Variants in SPATA16 observed in about 807,000 individuals in gnomAD.
SPATA16 encodes spermatogenesis-associated protein 16.
Under a neutral mutation model 63.3 loss-of-function variants are expected in SPATA16, and 36 were observed. The observed-to-expected ratio is 0.57, with a 90% CI of 0.44 to 0.75. SPATA16 has a LOEUF of 0.75. Ranked by LOEUF, SPATA16 falls within the 30% of genes least tolerant of loss-of-function variation. The probability of loss-of-function intolerance (pLI) is 0.00; values close to 1 mark genes in which losing one functional copy is unlikely to be tolerated. For missense variants in SPATA16, 646 were observed against 679.3 expected (o/e 0.95, Z 0.54); for synonymous variants, 203 against 216.7 (o/e 0.94, Z 0.56).
chr3:172,912,237 G>A (rs1732384851), intron 10 of SPATA16, among the ~76,000 whole-genome samples: 1 of 152,092 alleles, frequency 6.6e-6, no homozygotes, highest in Non-Finnish European at 1.5e-5. Flanking sequence ...TGACCTCCCA[G>A]ACAAGGCTAT....
At chr3:173,135,789 A>G (rs1303171624) in intron 1 of SPATA16, among the ~76,000 whole-genome samples, 1 of 152,218 alleles carries the variant, frequency 6.6e-6, no homozygotes, top group Non-Finnish European at 1.5e-5. Flanking sequence ...GACAGTGAGT[A>G]GTAACTCGAA....
At chr3:173,021,093 A>C (rs1371037604) in intron 3 of SPATA16, among the ~76,000 whole-genome samples, 1 of 152,208 alleles carries the variant, frequency 6.6e-6, no homozygotes, top group African/African-American at 2.4e-5. Flanking sequence ...AATTCCCAGA[A>C]ACACTGCATA....
chr3:173,011,956 T>C (rs1735084192), intron 4 of SPATA16, among the ~76,000 whole-genome samples: 1 of 152,088 alleles, frequency 6.6e-6, no homozygotes, highest in Admixed American at 6.5e-5. Context: ...TAGTACTACA[T>C]GTGTGTGCCA....
In SPATA16 at chr3:173,117,342, A is replaced by T; in HGVS notation, c.390T>A (p.Ile130=). Residue 130 remains isoleucine, a synonymous_variant, in exon 2 of 11, where the codon ATT becomes ATA. Transcript: ENST00000351008. ...ACTCATAGCGAACACCCATTTCATC[A>T]ATGTAGACCAACTTCATTTCCACAT... The part of the protein sequence containing the change: ...IMDVEMKLVY[I]DEMGVRYEFV... 6.2e-7 allele frequency: 1 copy of T among 1,614,154 alleles called. No homozygotes were observed. The highest frequency in any genetic ancestry group is 8.5e-7 in the Non-Finnish European group (1 of 1,180,000).
intron 2 of SPATA16, among the ~76,000 whole-genome samples, chr3:173,073,897 C>T (rs373803886): frequency 6.6e-6 from 1 of 152,154 alleles, no homozygotes; most frequent in East Asian, 1.9e-4. Context: ...GAAGCTGTAC[C>T]CTGCAAAGCC....
intron 1 of SPATA16, among the ~76,000 whole-genome samples, chr3:173,125,964 T>C (rs2108344055): frequency 1.3e-5 from 2 of 152,348 alleles, no homozygotes; most frequent in South Asian, 4.1e-4. Flanking sequence ...AGCTGAAAAT[T>C]AGGCAATCAC....
chr3:173,018,504 G>A (rs924633957), intron 4 of SPATA16, among the ~76,000 whole-genome samples: 13 of 152,012 alleles, frequency 8.6e-5, no homozygotes, highest in African/African-American at 3.1e-4. Context: ...TCAAACTCCC[G>A]ACCTCAGGTG....
chr3:172,894,757 G>C (rs908690521), intron 10 of SPATA16, among the ~76,000 whole-genome samples: 1 of 152,160 alleles, frequency 6.6e-6, no homozygotes, highest in African/African-American at 2.4e-5. Context: ...AATGGCATTA[G>C]TGCCCTTATG....
At chr3:173,137,538 A>G (rs1370830082) in intron 1 of SPATA16, among the ~76,000 whole-genome samples, 1 of 152,214 alleles carries the variant, frequency 6.6e-6, no homozygotes, top group Admixed American at 6.5e-5. Context: ...TAAAGCTTCT[A>G]TGAACACTAA....
intron 2 of SPATA16, among the ~76,000 whole-genome samples, chr3:173,087,856 T>G (rs1157753002): frequency 6.6e-6 from 1 of 152,132 alleles, no homozygotes. Flanking sequence ...TGGCCTCCAA[T>G]CTCTTCTGGC....
rs1229811282 is a variant in SPATA16, at chr3:173,088,006, C to CTTTCTTTCT, written c.612+29113_612+29114insAGAAAGAAA. 3.5e-4 allele frequency among the ~76,000 whole-genome samples: 47 copies of CTTTCTTTCT among 133,004 alleles called. 2 individuals are homozygous for CTTTCTTTCT. The highest frequency in any genetic ancestry group is 1.6e-3 in the African/African-American group (46 of 29,060). 87.3% of individuals were successfully genotyped at this position (133,004 alleles called of 152,430 possible). Reference sequence around the variant, plus strand: ...GAATCTGATGATTAGCATTTTCTTTCCGTCTTTCTTTCTTTCTTTCTTTCT... The same window carrying CTTTCTTTCT: ...GAATCTGATGATTAGCATTTTCTTTCTTTCTTTCTCGTCTTTCTTTCTTTCTTTCTTTCT... On this transcript the variant is annotated intron_variant, in intron 2 of 10. Transcript: ENST00000351008.
At chr3:173,108,699 A>G (rs1577178745) in intron 2 of SPATA16, among the ~76,000 whole-genome samples, 1 of 152,336 alleles carries the variant, frequency 6.6e-6, no homozygotes, top group East Asian at 1.9e-4. Context: ...CAGTAGTCCC[A>G]TCAGATTATA....
At chr3:172,965,694 C>T (rs576695514) in intron 5 of SPATA16, among the ~76,000 whole-genome samples, 8 of 151,746 alleles carry the variant, frequency 5.3e-5, no homozygotes, top group East Asian at 3.9e-4. Flanking sequence ...TGCAATGGCG[C>T]GATCTCGGCT....
intron 5 of SPATA16, among the ~76,000 whole-genome samples, chr3:172,965,310 A>C (rs1255160480): frequency 6.6e-6 from 1 of 152,210 alleles, no homozygotes; most frequent in African/African-American, 2.4e-5. Context: ...AATGATGTTT[A>C]CAGCCCTGTC....
At chr3:172,912,021 G>C (rs1257036866) in intron 10 of SPATA16, among the ~76,000 whole-genome samples, 1 of 152,126 alleles carries the variant, frequency 6.6e-6, no homozygotes, top group African/African-American at 2.4e-5. Context: ...TAATTTATAA[G>C]TCCTTCTGTA....
chr3:172,916,825 G>A (rs748477514), intron 8 of SPATA16, among the ~76,000 whole-genome samples: 2 of 152,146 alleles, frequency 1.3e-5, no homozygotes. Flanking sequence ...TAGAAGGGGC[G>A]ACTTTATCTA....
chr3:172,928,987 C>T (rs1451749654), intron 6 of SPATA16, among the ~76,000 whole-genome samples: 1 of 152,094 alleles, frequency 6.6e-6, no homozygotes, highest in Admixed American at 6.5e-5. Context: ...AATTTGAGTG[C>T]TAATTGTTCT....
At chr3:172,939,439 A>G (rs1038762678) in intron 6 of SPATA16, among the ~76,000 whole-genome samples, 1 of 152,182 alleles carries the variant, frequency 6.6e-6, no homozygotes, top group African/African-American at 2.4e-5. Context: ...GACTAATCAA[A>G]ATAATTATTG....
At position 172,929,723 on chromosome 3, in the gene SPATA16, T is replaced by TGGACATCAAA. The variant is rs895828239; in HGVS notation, c.1082-4241_1082-4232dup. Among the ~76,000 whole-genome samples the TGGACATCAAA allele has an allele frequency of 5.3e-5, 8 of 152,198 alleles. 1 individual carries two copies. Among genetic ancestry groups the TGGACATCAAA allele is most frequent in the Non-Finnish European group, 1.5e-5 (1 of 68,044 alleles). On this transcript the variant is annotated intron_variant, in intron 6 of 10. Coordinates refer to ENST00000351008, the MANE Select transcript of SPATA16 (RefSeq NM_031955.6). ...TGGCTACTATTTTTAACCAAAAAAT[T>TGGACATCAAA]GGACATCAAAGCTACAGTCGCAGCT... is the stretch of plus-strand genomic sequence containing the variant.
Sources: allele counts gnomAD v4.1 joint callset (sites outside exome capture counted in the v4.1 genomes callset), GRCh38; gene constraint gnomAD v4.1.1; transcripts MANE v1.5; gene names NCBI Gene and HGNC (gene_info 2026-07-23, HGNC 2026-07-21).